The following DYSF variants were observed in gnomAD, a reference collection of about 807,000 sequenced individuals.
DYSF encodes dystrophy-associated fer-1-like 1.
Under a neutral mutation model 274.9 loss-of-function variants are expected in DYSF, and 212 were observed. The observed-to-expected ratio is 0.77, with a 90% confidence interval of 0.69 to 0.86. DYSF has a LOEUF of 0.86. Among genes scored for constraint, DYSF ranks in the 40% least tolerant of loss-of-function variants. DYSF has a pLI of 0.00. For missense variants in DYSF, 2,666 were observed against 2,783.2 expected (o/e 0.96, Z 0.95); for synonymous variants, 1,091 against 1,078.7 (o/e 1.01, Z -0.22).
chr2:71,570,761 G>C lies in DYSF; in HGVS notation c.3228+20G>C. The C allele has an allele frequency of 6.2e-7, 1 of 1,613,104 alleles. No individual in the cohort carries two copies. Among genetic ancestry groups the C allele is most frequent in the Non-Finnish European group, 8.5e-7 (1 of 1,179,830 alleles). ...AAAAGGGTGAGCCAGCAGGTGGTGG[G>C]TGGGAGTGAGGCCTGTGGTCACAGG... On this transcript the variant is annotated intron_variant, in intron 29 of 55. Transcript: ENST00000410020.
At chr2:71,534,616 T>C in intron 14 of DYSF, among the ~76,000 whole-genome samples, 1 of 152,192 alleles carries the variant, frequency 6.6e-6, no homozygotes, top group Non-Finnish European at 1.5e-5. Context: ...GTGGATGATC[T>C]GGGGTAATGG....
chr2:71,551,755 C>G, intron 19 of DYSF, 35 bp downstream of exon 19: 2 of 1,549,910 alleles, frequency 1.3e-6, no homozygotes, highest in Non-Finnish European at 1.8e-6. Context: ...AGCTGGGCGT[C>G]GGGGCAGGGA....
chr2:71,608,692 G>A (rs188846239), intron 36 of DYSF, among the ~76,000 whole-genome samples: 53 of 152,246 alleles, frequency 3.5e-4, no homozygotes, highest in African/African-American at 1.3e-3. Context: ...TGCGGAGCCT[G>A]GTCCCCAGCC....
intron 10 of DYSF, among the ~76,000 whole-genome samples, chr2:71,517,403 A>G (rs2086772897): frequency 6.6e-6 from 1 of 152,034 alleles, no homozygotes; most frequent in African/African-American, 2.4e-5. Context: ...GCTATGCCCC[A>G]CCCTCAGGTC....
chr2:71,664,216 G>A (rs2094955179), intron 45 of DYSF, 52 bp from the exon 46 acceptor site: 4 of 1,612,086 alleles, frequency 2.5e-6, no homozygotes, highest in African/African-American at 1.3e-5. Context: ...TGCCCTGCCT[G>A]TCCCTTGGGT....
intron 36 of DYSF, among the ~76,000 whole-genome samples, chr2:71,604,871 G>T (rs2093618306): frequency 6.6e-6 from 1 of 152,180 alleles, no homozygotes; most frequent in Non-Finnish European, 1.5e-5. Flanking sequence ...GTTGGGATTG[G>T]TAGAAAATGT....
chr2:71,551,522 G>A (rs1263896216), intron 18 of DYSF, 85 bp from the exon 19 acceptor site: 2 of 1,189,070 alleles, frequency 1.7e-6, no homozygotes, highest in Non-Finnish European at 2.4e-6. Context: ...TGAGAGATGA[G>A]CTACCTCAGG....
intron 14 of DYSF, among the ~76,000 whole-genome samples, chr2:71,532,056 T>A (rs566269884): frequency 6.6e-6 from 1 of 152,350 alleles, no homozygotes; most frequent in East Asian, 1.9e-4. Context: ...ATCAACTATA[T>A]ACATGCAGTT....
rs998334903 is a variant in DYSF at position 71,555,862 on chromosome 2, C to T, written c.2110-103C>T. On this transcript the variant is annotated intron_variant, in intron 21 of 55. Transcript: ENST00000410020. ...CTGCCTTCTTTGCTCTAACTGTTCACTCCTTTTTGGTTCAGTAGCAGTGAC... is the reference window on the plus strand; with the variant it reads ...CTGCCTTCTTTGCTCTAACTGTTCATTCCTTTTTGGTTCAGTAGCAGTGAC... 6 of 900,844 alleles carry T rather than the reference C, an allele frequency of 6.7e-6. 1 individual carries two copies. The highest frequency in any genetic ancestry group is 2.0e-5 in the Admixed American group (1 of 49,964). 55.8% of individuals were successfully genotyped at this position (900,844 alleles called of 1,614,324 possible).
In DYSF at chr2:71,612,700, C is replaced by A. The variant is rs747152170; in HGVS notation, c.4281C>A (p.Arg1427=). 1.9e-6 allele frequency: 3 copies of A among 1,614,100 alleles called. No homozygotes were observed. In the African/African-American group the frequency reaches 4.0e-5, roughly 22 times the overall value. The part of the protein sequence containing the change: ...PPITVKVIDN[R]QFGRRPVVGQ... ...TCACCGTCAAGGTCATCGATAACCG[C>A]CAGTTTGGCCGCCGGCCTGTGGTGG... The change falls in exon 39 of 56, where the codon CGC becomes CGA. Residue 1427 remains arginine (R), a synonymous_variant. Transcript: ENST00000410020.
intron 21 of DYSF, among the ~76,000 whole-genome samples, chr2:71,555,138 C>G (rs774909064): frequency 2.6e-5 from 4 of 152,060 alleles, no homozygotes; most frequent in Non-Finnish European, 5.9e-5. Flanking sequence ...ACTGGCAGCT[C>G]TAGGGGAAAG....
intron 16 of DYSF, among the ~76,000 whole-genome samples, chr2:71,537,531 C>G (rs1024093834): frequency 6.6e-6 from 1 of 152,100 alleles, no homozygotes; most frequent in Non-Finnish European, 1.5e-5. Flanking sequence ...TGGGCGTGAG[C>G]CACCGCACCC....
rs1159294834 is a variant in DYSF, at chr2:71,582,106, C to CAAAAAAAAAAAAAAAAA, written c.3403-7476_3403-7460dup. 5.7e-5 allele frequency among the ~76,000 whole-genome samples: 2 copies of CAAAAAAAAAAAAAAAAA among 35,118 alleles called. 1 individual carries two copies. Among genetic ancestry groups the CAAAAAAAAAAAAAAAAA allele is most frequent in the Non-Finnish European group, 1.1e-4 (2 of 18,002 alleles). The allele number at this position is 35,118 out of a possible 152,430, so 23.0% of individuals were successfully genotyped here. ...TGGGAGACAGAAGGAGACTCCGTCT[C>CAAAAAAAAAAAAAAAAA]AAAAAAAAAAAAAAAAAAAAAAAAA... On this transcript the variant is annotated intron_variant, in intron 30 of 55. Transcript: ENST00000410020.
At chr2:71,470,063 C>T (rs2081867838) in intron 1 of DYSF, among the ~76,000 whole-genome samples, 1 of 152,180 alleles carries the variant, frequency 6.6e-6, no homozygotes, top group African/African-American at 2.4e-5. Flanking sequence ...CCTTGAAGGC[C>T]AGATCTGCTG....
chr2:71,507,936 T>A (rs2085666861), intron 4 of DYSF, among the ~76,000 whole-genome samples: 1 of 152,204 alleles, frequency 6.6e-6, no homozygotes, highest in Non-Finnish European at 1.5e-5. Context: ...ACTACAAGCA[T>A]GGCTACCACG....
In DYSF at chr2:71,668,790, G is replaced by T. The variant is rs1299043154; in HGVS notation, c.5494G>T (p.Ala1832Ser). 1 of 1,613,946 alleles carries T rather than the reference G, an allele frequency of 6.2e-7. No homozygotes were observed. The highest frequency in any genetic ancestry group is 8.5e-7 in the Non-Finnish European group (1 of 1,179,992). The change falls in exon 49 of 56, where the codon GCC becomes TCC. Residue 1832 changes from alanine (A) to serine (S), a missense_variant. By Grantham distance (99) the Ala-to-Ser change is moderately conservative. Transcript: ENST00000410020. Reference sequence around the variant, plus strand: ...GATGTGGGTCGACCTATTTCCGAAGGCCCTGGGGCGGCCTGGACCTCCCTT... The same window carrying T: ...GATGTGGGTCGACCTATTTCCGAAGTCCCTGGGGCGGCCTGGACCTCCCTT... ...LQMWVDLFPK[A>S]LGRPGPPFNI...
At chr2:71,514,028 C>A (rs1447173015) in intron 7 of DYSF, 107 bp downstream of exon 7, 3 of 1,294,466 alleles carry the variant, frequency 2.3e-6, no homozygotes, top group East Asian at 5.0e-5. Context: ...TGTGTGGGAT[C>A]CTCAGGGCCC....
chr2:71,561,523 C>G (rs979157579), intron 22 of DYSF, among the ~76,000 whole-genome samples: 5 of 152,074 alleles, frequency 3.3e-5, no homozygotes, highest in South Asian at 2.1e-4. Context: ...GCTGGGGGCT[C>G]CAGATCAGGA....
intron 41 of DYSF, among the ~76,000 whole-genome samples, chr2:71,635,346 T>C (rs1469054877): frequency 1.3e-5 from 2 of 152,260 alleles, no homozygotes; most frequent in African/African-American, 4.8e-5. Context: ...TCACCCCCTC[T>C]TTCCCCACAT....
Sources: allele counts gnomAD v4.1 joint callset (sites outside exome capture counted in the v4.1 genomes callset), GRCh38; gene constraint gnomAD v4.1.1; transcripts MANE v1.5; gene names NCBI Gene and HGNC (gene_info 2026-07-23, HGNC 2026-07-21).